ANKH: variants seen among roughly 807,000 people sequenced by gnomAD.
ANKH encodes the protein mineralization regulator ANKH.
A neutral mutation model predicts 49.0 loss-of-function variants in ANKH; 15 were observed. That is an observed-to-expected ratio of 0.31 (90% CI 0.20 to 0.47). The LOEUF is 0.47. Among genes scored for constraint, ANKH ranks in the 20% least tolerant of loss-of-function variants. ANKH has a pLI of 1.00. For missense variants in ANKH, 429 were observed against 652.0 expected (o/e 0.66, Z 3.72); for synonymous variants, 273 against 260.0 (o/e 1.05, Z -0.48).
intron 1 of ANKH, among the ~76,000 whole-genome samples, chr5:14,835,777 T>A (rs1056678503): frequency 6.6e-6 from 1 of 152,152 alleles, no homozygotes; most frequent in Non-Finnish European, 1.5e-5. Flanking sequence ...GAGGCCAGCA[T>A]CATCCTGATA....
At chr5:14,852,449 T>C (rs1350758713) in intron 1 of ANKH, among the ~76,000 whole-genome samples, 1 of 152,202 alleles carries the variant, frequency 6.6e-6, no homozygotes, top group Non-Finnish European at 1.5e-5. Context: ...CAGCTACTGA[T>C]AGTGACAATC....
At chr5:14,747,556 C>T (rs1025013774) in intron 6 of ANKH, among the ~76,000 whole-genome samples, 15 of 152,146 alleles carry the variant, frequency 9.9e-5, no homozygotes, top group Non-Finnish European at 1.5e-5. Flanking sequence ...AAGCAAGACC[C>T]CACCTCTTAA....
intron 1 of ANKH, among the ~76,000 whole-genome samples, chr5:14,776,755 C>T (rs16903705): frequency 0.017 from 2,535 of 152,338 alleles, 67 homozygotes; most frequent in African/African-American, 0.058. Flanking sequence ...ACGGCCAAGA[C>T]ATTCACCAGG....
At chr5:14,756,185 T>A (rs1459794987) in intron 3 of ANKH, among the ~76,000 whole-genome samples, 1 of 152,204 alleles carries the variant, frequency 6.6e-6, no homozygotes, top group Non-Finnish European at 1.5e-5. Flanking sequence ...ACCAATTGTA[T>A]GTAGACTAGT....
chr5:14,793,058 A>ATATATATATAT (rs145425597), intron 1 of ANKH, among the ~76,000 whole-genome samples: 1 of 85,382 alleles, frequency 1.2e-5, no homozygotes, highest in South Asian at 3.5e-4. Flanking sequence ...AAATATATAT[A>ATATATATATAT]AAATATATAT....
At chr5:14,818,009 A>G (rs1272326959) in intron 1 of ANKH, among the ~76,000 whole-genome samples, 3 of 141,170 alleles carry the variant, frequency 2.1e-5, no homozygotes, top group African/African-American at 7.8e-5. Context: ...GATTGCAGTG[A>G]GCTGAGATCT....
intron 1 of ANKH, among the ~76,000 whole-genome samples, chr5:14,835,266 G>T (rs1741619813): frequency 6.6e-6 from 1 of 152,192 alleles, no homozygotes; most frequent in Non-Finnish European, 1.5e-5. Flanking sequence ...AGAGATGAGT[G>T]TTGCTCAGCG....
intron 11 of ANKH, 51 bp downstream of exon 11, chr5:14,712,823 T>A: frequency 6.5e-7 from 1 of 1,537,568 alleles, no homozygotes; most frequent in Non-Finnish European, 8.8e-7. Flanking sequence ...CAGGTTCTCC[T>A]GCACCCAGGA....
In ANKH at chr5:14,725,251, A is replaced by C. The variant is rs958795448; in HGVS notation, c.1012-8416T>G. On this transcript the variant is annotated intron_variant, in intron 8 of 11. Transcript: ENST00000284268. This position sits in a 1 kb window ranked among gnomAD's most constrained non-coding sequence, Gnocchi z 4.0. Reference sequence around the variant, plus strand: ...CTCCAGCCTCAGCTCTCTTCTTTCAAACGGGGATGGTGTCTCCCTCACAGG... The same window carrying C: ...CTCCAGCCTCAGCTCTCTTCTTTCACACGGGGATGGTGTCTCCCTCACAGG... Among the ~76,000 whole-genome samples the C allele has an allele frequency of 1.5e-4, 23 of 152,072 alleles. No individual in the cohort carries two copies. Among genetic ancestry groups the C allele is most frequent in the African/African-American group, 5.6e-4 (23 of 41,396 alleles).
chr5:14,835,920 C>T (rs376427125), intron 1 of ANKH, among the ~76,000 whole-genome samples: 9 of 152,158 alleles, frequency 5.9e-5, no homozygotes, highest in African/African-American at 1.7e-4. Context: ...TTATTCACCA[C>T]GATCAAGTTG....
rs1362456462 is a variant in ANKH at position 14,711,090 on chromosome 5, A to AAAAC, written c.*103_*106dup. 2.8e-6 allele frequency: 3 copies of AAAAC among 1,052,830 alleles called. No homozygotes were observed. The East Asian group carries it at 7.1e-5, about 25-fold the overall frequency. The allele number at this position is 1,052,830 out of a possible 1,614,324, so 65.2% of individuals were successfully genotyped here. A position where few individuals can be genotyped will look rare whatever the true frequency, so the allele number is the denominator to read the frequency against. The stretch of plus-strand genomic sequence containing the variant: ...TTAAATCAAGGCCTCTTTCATTACC[A>AAAAC]AAACAAAACAAAAAAAAGGGAACAA... On this transcript the variant is annotated 3_prime_UTR_variant, in exon 12 of 12. Coordinates refer to ENST00000284268, the MANE Select transcript of ANKH (RefSeq NM_054027.6).
chr5:14,831,661 T>C (rs1311531278), intron 1 of ANKH, among the ~76,000 whole-genome samples: 1 of 152,164 alleles, frequency 6.6e-6, no homozygotes, highest in Non-Finnish European at 1.5e-5. Flanking sequence ...CCATCTTCAA[T>C]GTAGTCAGCT....
intron 1 of ANKH, among the ~76,000 whole-genome samples, chr5:14,853,349 G>A (rs1742167871): frequency 6.6e-6 from 1 of 152,112 alleles, no homozygotes; most frequent in Admixed American, 6.5e-5. Context: ...GCCAAGGCAG[G>A]AGAATCACTT....
At position 14,753,738 on chromosome 5, in the gene ANKH, C is replaced by T. The variant is rs1357543444; in HGVS notation, c.516+2123G>A. Among the ~76,000 whole-genome samples the T allele has an allele frequency of 2.9e-5, 4 of 138,354 alleles. No individual in the cohort carries two copies. The East Asian group carries it at 7.8e-4, about 27-fold the overall frequency. 90.8% of individuals were successfully genotyped at this position (138,354 alleles called of 152,430 possible). On this transcript the variant is annotated intron_variant, in intron 4 of 11. Coordinates refer to ENST00000284268, the MANE Select transcript of ANKH (RefSeq NM_054027.6). ...GGCAAAGAAAAGCACTGCATGGTTG[C>T]AACAAACCAAGAGGTTTTTGTATTA...
chr5:14,764,977 A>T (rs1416442439), intron 2 of ANKH, among the ~76,000 whole-genome samples: 1 of 152,224 alleles, frequency 6.6e-6, no homozygotes, highest in South Asian at 2.1e-4. Context: ...GTGAATTAGG[A>T]GGTTAGGCAA....
chr5:14,768,704 C>G, intron 2 of ANKH: 1 of 536,692 alleles, frequency 1.9e-6, no homozygotes, highest in South Asian at 2.1e-5. Context: ...TTGGCCTTAC[C>G]AAATGTTATT....
intron 1 of ANKH, among the ~76,000 whole-genome samples, chr5:14,829,201 A>AAAAG (rs1741436175): frequency 7.7e-6 from 1 of 129,578 alleles, no homozygotes; most frequent in African/African-American, 2.9e-5. Flanking sequence ...AAAAAAAAAA[A>AAAAG]AAAAAAAAGC....
chr5:14,837,842 C>T (rs558421460), intron 1 of ANKH, among the ~76,000 whole-genome samples: 37 of 152,192 alleles, frequency 2.4e-4, no homozygotes, highest in Non-Finnish European at 5.3e-4. Flanking sequence ...TACTGCGGCA[C>T]TATTCACAAT....
intron 1 of ANKH, chr5:14,797,367 T>C (rs879037501): frequency 7.5e-6 from 12 of 1,610,476 alleles, no homozygotes; most frequent in Middle Eastern, 1.9e-4. Flanking sequence ...ACTTAAATCC[T>C]AGACATTCGG....
Sources: gnomAD v4.1 joint callset for allele counts (sites outside exome capture counted in the v4.1 genomes callset) on GRCh38, gnomAD v4.1.1 for gene constraint, Gnocchi (gnomAD v3.1) non-coding constraint, MANE v1.5 for transcripts, NCBI Gene and HGNC (gene_info 2026-07-23, HGNC 2026-07-21) for gene names.